Variants in SLC24A2 observed in about 807,000 individuals in gnomAD.
The protein encoded by SLC24A2 is sodium/potassium/calcium exchanger 2.
SLC24A2 carries 36 observed loss-of-function variants against 62.0 expected under a neutral mutation model. The observed-to-expected ratio is 0.58, with a 90% CI of 0.44 to 0.77. The LOEUF (loss-of-function observed/expected upper bound fraction) is 0.77. Among genes scored for constraint, SLC24A2 ranks in the 30% least tolerant of loss-of-function variants. The probability of loss-of-function intolerance (pLI) is 0.00; values close to 1 mark genes in which losing one functional copy is unlikely to be tolerated. For missense variants in SLC24A2, 846 were observed against 817.9 expected, an observed-to-expected ratio of 1.03 and a Z score of -0.42; for synonymous variants, 358 against 294.0, an observed-to-expected ratio of 1.22 and a Z score of -2.23.
the SLC24A2 span, among the ~76,000 whole-genome samples, chr9:20,163,791 C>T: frequency 7.9e-5 from 12 of 152,022 alleles, no homozygotes; most frequent in African/African-American, 2.2e-4. Flanking sequence ...GAGATATAGA[C>T]CAATGGAACA....
chr9:19,863,232 G>C, the SLC24A2 span, among the ~76,000 whole-genome samples: 1 of 152,002 alleles, frequency 6.6e-6, no homozygotes, highest in Non-Finnish European at 1.5e-5. Flanking sequence ...GGAGCACCCA[G>C]ATACATAAAG....
At chr9:20,260,673 G>C in the SLC24A2 span, among the ~76,000 whole-genome samples, 15 of 151,614 alleles carry the variant, frequency 9.9e-5, no homozygotes, top group East Asian at 2.9e-3. Flanking sequence ...ATTTCAATAG[G>C]TTTGTGGAGA....
At chr9:20,204,580 G>A in the SLC24A2 span, among the ~76,000 whole-genome samples, 1 of 152,116 alleles carries the variant, frequency 6.6e-6, no homozygotes, top group Non-Finnish European at 1.5e-5. Context: ...CAAAAGCAAT[G>A]GGAGGTAAAG....
intron 2 of SLC24A2, among the ~76,000 whole-genome samples, chr9:19,670,148 T>C (rs1199839597): frequency 6.6e-6 from 1 of 152,184 alleles, no homozygotes; most frequent in Non-Finnish European, 1.5e-5. Flanking sequence ...GTGGCACCAA[T>C]GGAAGCCATC....
the SLC24A2 span, among the ~76,000 whole-genome samples, chr9:19,839,622 C>T: frequency 2.6e-5 from 4 of 152,020 alleles, no homozygotes; most frequent in African/African-American, 7.2e-5. Flanking sequence ...AATCTGAATT[C>T]GTTTGAAAGT....
intron 2 of SLC24A2, among the ~76,000 whole-genome samples, chr9:19,676,705 C>T (rs1819571834): frequency 6.6e-6 from 1 of 152,096 alleles, no homozygotes; most frequent in Non-Finnish European, 1.5e-5. Context: ...AATCCCATTC[C>T]AGTTAAAATG....
chr9:20,024,294 G>A, the SLC24A2 span, among the ~76,000 whole-genome samples: 2 of 152,170 alleles, frequency 1.3e-5, no homozygotes, highest in Admixed American at 1.3e-4. Flanking sequence ...AAAGTGATTT[G>A]CAAGAGACCT....
intron 2 of SLC24A2, among the ~76,000 whole-genome samples, chr9:19,688,764 C>T (rs1029272898): frequency 2.0e-5 from 3 of 152,066 alleles, no homozygotes; most frequent in African/African-American, 7.2e-5. Context: ...CCCCAACATA[C>T]ATGTCTTTCC....
the SLC24A2 span, among the ~76,000 whole-genome samples, chr9:20,122,874 A>G: frequency 3.9e-5 from 6 of 152,250 alleles, no homozygotes; most frequent in Middle Eastern, 3.4e-3. Context: ...AAACTTGAAA[A>G]TCTAAAATGA....
chr9:20,071,514 T>A, the SLC24A2 span, among the ~76,000 whole-genome samples: 2 of 152,200 alleles, frequency 1.3e-5, no homozygotes, highest in Admixed American at 1.3e-4. Flanking sequence ...TGAGGGTGAC[T>A]GTGGTAGGAT....
intron 2 of SLC24A2, among the ~76,000 whole-genome samples, chr9:19,701,933 T>C (rs1820367232): frequency 6.6e-6 from 1 of 151,942 alleles, no homozygotes; most frequent in African/African-American, 2.4e-5. Flanking sequence ...ACTCCAAGAC[T>C]AGCAGTAGCC....
At chr9:19,960,923 T>C in the SLC24A2 span, among the ~76,000 whole-genome samples, 812 of 152,246 alleles carry the variant, frequency 5.3e-3, 4 homozygotes, top group African/African-American at 0.018. Context: ...TCAGCAAATA[T>C]ATCTATTATT....
intron 9 of SLC24A2, among the ~76,000 whole-genome samples, chr9:19,524,311 A>C (rs1233209562): frequency 1.3e-5 from 2 of 151,948 alleles, no homozygotes; most frequent in African/African-American, 4.8e-5. Flanking sequence ...ATTAATTTCT[A>C]ATATTAGATG....
chr9:19,544,534 T>A (rs1481871346), intron 8 of SLC24A2, among the ~76,000 whole-genome samples: 5 of 152,180 alleles, frequency 3.3e-5, no homozygotes, highest in African/African-American at 1.2e-4. Context: ...TTGATGGTCT[T>A]TACAATTTGG....
chr9:19,833,538 C>T, the SLC24A2 span, among the ~76,000 whole-genome samples: 9 of 152,324 alleles, frequency 5.9e-5, no homozygotes, highest in African/African-American at 1.4e-4. Context: ...GAGGGGCGCC[C>T]GCCATTGCGC....
chr9:19,621,935 C>T (rs1817917800), intron 3 of SLC24A2, among the ~76,000 whole-genome samples: 1 of 152,172 alleles, frequency 6.6e-6, no homozygotes, highest in South Asian at 2.1e-4. Context: ...TTAGATCCCA[C>T]ACTACCCCCA....
At chr9:20,248,436 C>T in the SLC24A2 span, among the ~76,000 whole-genome samples, 40 of 152,260 alleles carry the variant, frequency 2.6e-4, no homozygotes, top group African/African-American at 8.4e-4. Context: ...AAAATCAAGG[C>T]GCCAACAGAT....
intron 7 of SLC24A2, among the ~76,000 whole-genome samples, chr9:19,567,828 ATAT>A (rs1355087887): frequency 1.1e-4 from 17 of 152,338 alleles, no homozygotes; most frequent in African/African-American, 3.6e-4. Context: ...TTAAAAAGTC[ATAT>A]TATTTCTTGG....
the SLC24A2 span, among the ~76,000 whole-genome samples, chr9:20,260,908 T>G: frequency 1.4e-5 from 2 of 142,134 alleles, no homozygotes; most frequent in Non-Finnish European, 3.0e-5. Flanking sequence ...CAGGCTGGAG[T>G]GCAGTGGCGT....
Sources: allele counts gnomAD v4.1 joint callset (sites outside exome capture counted in the v4.1 genomes callset), GRCh38; gene constraint gnomAD v4.1.1; transcripts MANE v1.5; gene names NCBI Gene and HGNC (gene_info 2026-07-23, HGNC 2026-07-21).